The following TPD52 variants were observed in gnomAD, a reference collection of about 807,000 sequenced individuals.
TPD52 encodes the protein prostate and colon associated protein.
In TPD52, 17 loss-of-function variants were observed where a neutral mutation model predicts 31.3. The ratio of observed to expected loss-of-function variants is 0.54; its 90% CI spans 0.37 to 0.82. The LOEUF is 0.82. TPD52 is among the 40% of genes least tolerant of loss of function. TPD52 has a pLI of 0.00. For missense variants in TPD52, 212 were observed against 240.1 expected (o/e 0.88, Z 0.77); for synonymous variants, 83 against 89.6 (o/e 0.93, Z 0.42).
intron 1 of TPD52, among the ~76,000 whole-genome samples, chr8:80,166,598 C>A (rs1811732036): frequency 6.6e-6 from 1 of 151,308 alleles, no homozygotes; most frequent in African/African-American, 2.4e-5. Flanking sequence ...ATGCAATATT[C>A]AATAAGAAAT....
chr8:80,064,858 T>A (rs1157219881), intron 1 of TPD52: 1 of 601,366 alleles, frequency 1.7e-6, no homozygotes, highest in Non-Finnish European at 3.1e-6. Context: ...TCAGTCACAA[T>A]ATAGTTATGG....
intron 1 of TPD52, among the ~76,000 whole-genome samples, chr8:80,081,099 A>G (rs953897010): frequency 6.6e-6 from 1 of 151,488 alleles, no homozygotes; most frequent in Non-Finnish European, 1.5e-5. Flanking sequence ...TACTTTATCT[A>G]ATGTGGAGTC....
At chr8:80,149,955 C>T (rs565851070) in intron 1 of TPD52, among the ~76,000 whole-genome samples, 55 of 152,314 alleles carry the variant, frequency 3.6e-4, no homozygotes, top group Non-Finnish European at 2.6e-4. Context: ...AGGAGACAAA[C>T]GTTAGACAAA....
intron 1 of TPD52, among the ~76,000 whole-genome samples, chr8:80,126,988 G>T (rs995226307): frequency 6.6e-6 from 1 of 152,004 alleles, no homozygotes; most frequent in East Asian, 1.9e-4. Context: ...ATACACCTGT[G>T]GTCCCAGTTA....
chr8:80,051,812 C>G (rs1811417070), intron 3 of TPD52, 184 bp from the exon 4 acceptor site: 1 of 543,472 alleles, frequency 1.8e-6, no homozygotes, highest in African/African-American at 2.0e-5. Context: ...TATGCTCAAC[C>G]CTAAGCTCAG....
chr8:80,148,369 C>G (rs1450432878), intron 1 of TPD52, among the ~76,000 whole-genome samples: 2 of 144,392 alleles, frequency 1.4e-5, no homozygotes, highest in Non-Finnish European at 1.5e-5. Context: ...TCCTATGTGG[C>G]CCAGGCTGGT....
chr8:80,092,826 A>G (rs1209656375), intron 1 of TPD52, among the ~76,000 whole-genome samples: 1 of 151,880 alleles, frequency 6.6e-6, no homozygotes, highest in African/African-American at 2.4e-5. Context: ...TGTCACTCAC[A>G]CTTTAAATTA....
At chr8:80,091,335 G>A (rs1816244605) in intron 1 of TPD52, among the ~76,000 whole-genome samples, 2 of 152,122 alleles carry the variant, frequency 1.3e-5, no homozygotes, top group African/African-American at 4.8e-5. Flanking sequence ...TGGGCGTGGT[G>A]GCGGGCACCT....
rs980771901 is a variant in TPD52, at chr8:80,052,549, T to C, written c.284+733A>G. ...ACTGGGGACTCAAGTACTGTCATGT[T>C]AAATGCAGTTGGCCTCACTTCTGAT... On this transcript the variant is annotated intron_variant, in intron 3 of 7. Coordinates refer to ENST00000518937, the MANE Select transcript of TPD52 (RefSeq NM_001025253.3). 3 of 1,151,324 alleles carry C rather than the reference T, an allele frequency of 2.6e-6. No individual in the cohort carries two copies. The Admixed American group carries it at 7.7e-5, about 29-fold the overall frequency. The allele number at this position is 1,151,324 out of a possible 1,614,324, so 71.3% of individuals were successfully genotyped here.
At chr8:80,050,090 C>T (rs1157035814) in intron 5 of TPD52, among the ~76,000 whole-genome samples, 2 of 151,868 alleles carry the variant, frequency 1.3e-5, no homozygotes, top group Non-Finnish European at 2.9e-5. Context: ...TACAAAAGTA[C>T]CAAAGAAACA....
chr8:80,072,798 C>CACATATATATATATATATAT lies in TPD52; in HGVS notation c.20-8206_20-8205insATATATATATATATATATGT, dbSNP rs977939775. 4.1e-4 allele frequency among the ~76,000 whole-genome samples: 58 copies of CACATATATATATATATATAT among 141,066 alleles called. 2 individuals carry two copies. The highest frequency in any genetic ancestry group is 2.1e-3 in the South Asian group (10 of 4,672). 92.5% of individuals were successfully genotyped at this position (141,066 alleles called of 152,430 possible). On this transcript the variant is annotated intron_variant, in intron 1 of 7. Coordinates refer to ENST00000518937, the MANE Select transcript of TPD52 (RefSeq NM_001025253.3). ...ATATATACACATACACACACACACA[C>CACATATATATATATATATAT]ATATATATATATATATAAACTTGGC...
intron 1 of TPD52, chr8:80,080,515 C>A (rs1815155405): frequency 6.3e-7 from 1 of 1,592,460 alleles, no homozygotes; most frequent in Non-Finnish European, 8.6e-7. Context: ...AGTTGAGTGC[C>A]GCTTTGGCCA....
intron 1 of TPD52, among the ~76,000 whole-genome samples, chr8:80,088,943 C>T (rs1255155317): frequency 1.3e-5 from 2 of 152,186 alleles, no homozygotes; most frequent in Non-Finnish European, 2.9e-5. Context: ...GATCCGCCCG[C>T]CTCGGCCTCC....
At chr8:80,134,726 C>T (rs1343042381) in intron 1 of TPD52, among the ~76,000 whole-genome samples, 2 of 152,176 alleles carry the variant, frequency 1.3e-5, no homozygotes, top group Non-Finnish European at 1.5e-5. Context: ...GGTGCAGGAG[C>T]CGTGTTGAAA....
chr8:80,117,968 G>A (rs528048195), intron 1 of TPD52, among the ~76,000 whole-genome samples: 75 of 151,924 alleles, frequency 4.9e-4, no homozygotes, highest in African/African-American at 1.8e-3. Context: ...TCCTGACCTC[G>A]TGATCCGCCC....
chr8:80,171,042 A>G (rs1361614118), intron 1 of TPD52: 1 of 500,068 alleles, frequency 2.0e-6, no homozygotes, highest in Non-Finnish European at 3.7e-6. Flanking sequence ...AGAGCGACTC[A>G]CTGTCCTCTG....
At position 80,130,126 on chromosome 8, in the gene TPD52, G is replaced by A. The variant is rs930225233; in HGVS notation, c.19+41299C>T. 2.6e-5 allele frequency among the ~76,000 whole-genome samples: 4 copies of A among 152,322 alleles called. No homozygotes were observed. The East Asian group carries it at 7.7e-4, about 29-fold the overall frequency. ...CGAATTGGCTCAGATTGCTCAGAGAGAGAAGACAAGAGCATCTGCTGAGAT... is the reference window on the plus strand; with the variant it reads ...CGAATTGGCTCAGATTGCTCAGAGAAAGAAGACAAGAGCATCTGCTGAGAT... On this transcript the variant is annotated intron_variant, in intron 1 of 7. Transcript: ENST00000518937.
chr8:80,129,704 T>C (rs1808883649), intron 1 of TPD52, among the ~76,000 whole-genome samples: 1 of 33,870 alleles, frequency 3.0e-5, no homozygotes, highest in Non-Finnish European at 5.6e-5. Context: ...CTCTCATTTC[T>C]TTTTTTTTTT....
At chr8:80,152,069 C>A (rs190324684) in intron 1 of TPD52, among the ~76,000 whole-genome samples, 1 of 152,152 alleles carries the variant, frequency 6.6e-6, no homozygotes, top group African/African-American at 2.4e-5. Flanking sequence ...AATACTGCAA[C>A]GCTAGAAAGG....
Sources: gnomAD v4.1 joint callset for allele counts (sites outside exome capture counted in the v4.1 genomes callset) on GRCh38, gnomAD v4.1.1 for gene constraint, MANE v1.5 for transcripts, NCBI Gene and HGNC (gene_info 2026-07-23, HGNC 2026-07-21) for gene names.